Variants in ZC4H2 observed in about 807,000 individuals in gnomAD.
ZC4H2 encodes the protein zinc finger C4H2 domain-containing protein.
For synonymous variants in ZC4H2, 84 were observed against 66.3 expected (o/e 1.27, Z -1.30); for missense variants, 137 against 173.9 (o/e 0.79, Z 1.19).
At chrX:64,966,630 G>T (rs1931602411) in intron 1 of ZC4H2, among the ~76,000 whole-genome samples, 1 of 111,902 alleles carries the variant, frequency 8.9e-6, no homozygotes, top group Non-Finnish European at 1.9e-5. Flanking sequence ...AAAAAGGAAT[G>T]AAATACTGTT....
rs1931953129 is a variant in ZC4H2, at chrX:64,976,441, G to A, written c.-64C>T. 3.6e-6 allele frequency: 4 copies of A among 1,124,012 alleles called. No homozygotes were observed. The South Asian group carries it at 5.5e-5, about 15-fold the overall frequency. 92.6% of individuals were successfully genotyped at this position (1,124,012 alleles called of 1,213,427 possible). On this transcript the variant is annotated 5_prime_UTR_variant, in exon 1 of 5. Transcript: ENST00000374839. ...AATACACCAGCCAAGGGATACAATA[G>A]ACACAATGTAGCCACCTCCTCCGGG... is the stretch of plus-strand genomic sequence containing the variant.
chrX:64,935,039 T>C (rs1929936547), intron 1 of ZC4H2, among the ~76,000 whole-genome samples: 1 of 110,883 alleles, frequency 9.0e-6, no homozygotes, highest in African/African-American at 3.3e-5. Flanking sequence ...CTCAGTGGGT[T>C]CCAACCCCAT....
intron 1 of ZC4H2, among the ~76,000 whole-genome samples, chrX:65,032,245 C>T (rs189802827): frequency 8.9e-6 from 1 of 112,046 alleles, no homozygotes; most frequent in East Asian, 2.8e-4. Context: ...ATATGTATTT[C>T]TCTATACACT....
chrX:64,961,614 AT>A (rs1291397237), intron 1 of ZC4H2, among the ~76,000 whole-genome samples: 3 of 108,721 alleles, frequency 2.8e-5, no homozygotes, highest in East Asian at 2.8e-4. Context: ...AAAGAATCAA[AT>A]TTTTTTAATG....
At chrX:64,954,353 T>TA (rs1931049174) in intron 1 of ZC4H2, among the ~76,000 whole-genome samples, 2 of 70,166 alleles carry the variant, frequency 2.9e-5, no homozygotes, top group Admixed American at 1.5e-4. Flanking sequence ...TATATATATA[T>TA]AATTATATAT....
chrX:64,917,773 C>T lies in ZC4H2; in HGVS notation c.*10G>A, dbSNP rs367897486. 1.1e-5 allele frequency: 13 copies of T among 1,206,988 alleles called. No individual in the cohort carries two copies. The highest frequency in any genetic ancestry group is 1.8e-5 in the African/African-American group (1 of 57,104). Reference sequence around the variant, plus strand: ...TATAATTAGCAAAGCTTCATGTGCTCTCCCTTTCTTTATTCATCCTGCTTC... The same window carrying T: ...TATAATTAGCAAAGCTTCATGTGCTTTCCCTTTCTTTATTCATCCTGCTTC... On this transcript the variant is annotated 3_prime_UTR_variant, in exon 5 of 5. Transcript: ENST00000374839.
At chrX:64,924,499 T>C (rs756282722) in intron 1 of ZC4H2, among the ~76,000 whole-genome samples, 1 of 111,417 alleles carries the variant, frequency 9.0e-6, no homozygotes, top group Non-Finnish European at 1.9e-5. Context: ...CAAGGTTGTA[T>C]GTAAAATCAT....
chrX:64,971,038 T>A (rs1241578083), intron 1 of ZC4H2, among the ~76,000 whole-genome samples: 2 of 112,119 alleles, frequency 1.8e-5, no homozygotes, highest in Non-Finnish European at 3.8e-5. Flanking sequence ...AACAAAACCT[T>A]CTCCAAAGTA....
intron 1 of ZC4H2, among the ~76,000 whole-genome samples, chrX:64,985,518 C>A (rs902963457): frequency 2.7e-5 from 3 of 111,243 alleles, no homozygotes; most frequent in African/African-American, 9.8e-5. Context: ...GCCTGCTGTC[C>A]TAGGGGCTGG....
In ZC4H2 at chrX:64,916,315, T is replaced by C. The variant is rs1928918350; in HGVS notation, c.*1468A>G. The C allele has an allele frequency of 9.0e-6, 1 of 111,698 alleles. No homozygotes were observed. The allele number at this position is 111,698 out of a possible 1,213,427, so 9.2% of individuals were successfully genotyped here. On this transcript the variant is annotated 3_prime_UTR_variant, in exon 5 of 5. Coordinates refer to ENST00000374839, the MANE Select transcript of ZC4H2 (RefSeq NM_018684.4). ...GTGATAATTAGGTAAATTATTGTCC[T>C]TGGTGCCTGGCTTTCTCATTTGTAA...
rs756643217 is a variant in ZC4H2, at chrX:64,952,037, G to T, written c.53+24288C>A. Among the ~76,000 whole-genome samples, 7 of 110,876 alleles carry T rather than the reference G, an allele frequency of 6.3e-5. No individual in the cohort carries two copies. In the South Asian group the frequency reaches 2.3e-3, roughly 36 times the overall value. ...TACATATGGCTAGCCAGTTTTCCCAGCACCATTTATTAAATAGGGAATCCT... is the reference window on the plus strand; with the variant it reads ...TACATATGGCTAGCCAGTTTTCCCATCACCATTTATTAAATAGGGAATCCT... On this transcript the variant is annotated intron_variant, in intron 1 of 4. Transcript: ENST00000374839.
At chrX:64,993,352 T>C (rs1448694085) in intron 1 of ZC4H2, among the ~76,000 whole-genome samples, 1 of 111,774 alleles carries the variant, frequency 8.9e-6, no homozygotes, top group African/African-American at 3.3e-5. Context: ...TAGATCTTAA[T>C]CTCAGGTTTC....
chrX:64,999,047 T>TTG (rs1336108005), intron 1 of ZC4H2, among the ~76,000 whole-genome samples: 1 of 94,697 alleles, frequency 1.1e-5, no homozygotes, highest in African/African-American at 3.9e-5. Context: ...GTGTTTTTTT[T>TTG]TTTTTTTTTT....
intron 1 of ZC4H2, among the ~76,000 whole-genome samples, chrX:64,958,399 TTGTG>T (rs201619196): frequency 9.0e-6 from 1 of 111,296 alleles, no homozygotes; most frequent in African/African-American, 3.3e-5. Context: ...GTGTGTGTAT[TTGTG>T]TGTGTGTATA....
At chrX:64,966,731 C>T (rs1351225103) in intron 1 of ZC4H2, among the ~76,000 whole-genome samples, 1 of 111,918 alleles carries the variant, frequency 8.9e-6, no homozygotes, top group Non-Finnish European at 1.9e-5. Flanking sequence ...TATTTATATG[C>T]AGCATCAAGA....
At chrX:64,966,243 T>C (rs1931587851) in intron 1 of ZC4H2, among the ~76,000 whole-genome samples, 1 of 112,291 alleles carries the variant, frequency 8.9e-6, no homozygotes, top group Non-Finnish European at 1.9e-5. Flanking sequence ...TTAAAACTAC[T>C]GTGAGCTATC....
chrX:65,001,961 A>G (rs751399537), intron 1 of ZC4H2, among the ~76,000 whole-genome samples: 3 of 111,680 alleles, frequency 2.7e-5, no homozygotes, highest in Non-Finnish European at 5.6e-5. Flanking sequence ...AGAGACGTAA[A>G]AAGAGACTTA....
chrX:64,931,858 T>A (rs930671377), intron 1 of ZC4H2, among the ~76,000 whole-genome samples: 1 of 111,892 alleles, frequency 8.9e-6, no homozygotes, highest in Non-Finnish European at 1.9e-5. Context: ...TGTAAATATA[T>A]GTTAATTCTG....
At chrX:65,011,086 G>A (rs777616218) in intron 1 of ZC4H2, among the ~76,000 whole-genome samples, 71 of 111,275 alleles carry the variant, frequency 6.4e-4, no homozygotes, top group African/African-American at 2.0e-3. Context: ...TTTCTTCTAA[G>A]GTTTAGATAA....
Sources: allele counts gnomAD v4.1 joint callset (sites outside exome capture counted in the v4.1 genomes callset), GRCh38; gene constraint gnomAD v4.1.1; transcripts MANE v1.5; gene names NCBI Gene and HGNC (gene_info 2026-07-23, HGNC 2026-07-21).